Variants in FAM53A observed in about 807,000 individuals in gnomAD.
FAM53A encodes family with sequence similarity 53 member A.
FAM53A carries 28 observed loss-of-function variants against 26.6 expected under a neutral mutation model. The ratio of observed to expected loss-of-function variants is 1.05; its 90% CI spans 0.78 to 1.45. The LOEUF is 1.45. FAM53A is among the 40% of genes most tolerant of loss of function. FAM53A has a pLI of 0.00. For synonymous variants in FAM53A, 290 were observed against 253.1 expected (o/e 1.15, Z -1.38); for missense variants, 650 against 575.8 (o/e 1.13, Z -1.32).
chr4:1,670,388 A>G (rs1186968986), intron 1 of FAM53A, among the ~76,000 whole-genome samples: 1 of 152,222 alleles, frequency 6.6e-6, no homozygotes, highest in Non-Finnish European at 1.5e-5. Context: ...ACAGTGGGCC[A>G]CCCAGCCTGG....
chr4:1,670,230 G>A (rs1035499596), intron 1 of FAM53A, among the ~76,000 whole-genome samples: 1 of 152,270 alleles, frequency 6.6e-6, no homozygotes, highest in African/African-American at 2.4e-5. Context: ...TTTCAACACG[G>A]TTCGATACCT....
chr4:1,655,515 T>C lies in FAM53A; in HGVS notation c.345A>G (p.Pro115=), dbSNP rs1173968414. ...AGGACCGGCAATGCCGCTTGGTCGG[T>C]GGGGCCGTGGACGAGCCTGTGCTTT... is the stretch of plus-strand genomic sequence containing the variant. ...PSESTGSSTA[P]PTKRHCRSLS... The change falls in exon 4 of 5, where the codon CCA becomes CCG. Residue 115 remains proline (P), a synonymous_variant. Coordinates refer to ENST00000308132, the MANE Select transcript of FAM53A (RefSeq NM_001174070.3). 7 of 1,566,732 alleles carry C rather than the reference T, an allele frequency of 4.5e-6. No homozygotes were observed. The East Asian group carries it at 1.6e-4, about 37-fold the overall frequency.
At chr4:1,666,980 T>C (rs1714281083) in intron 2 of FAM53A, among the ~76,000 whole-genome samples, 1 of 152,114 alleles carries the variant, frequency 6.6e-6, no homozygotes. Context: ...ATACAAAAAT[T>C]AGCCAGGCCT....
intron 2 of FAM53A, among the ~76,000 whole-genome samples, chr4:1,660,208 G>A (rs1475973945): frequency 6.6e-6 from 1 of 151,196 alleles, no homozygotes; most frequent in Non-Finnish European, 1.5e-5. Flanking sequence ...GCGTGAACCC[G>A]GGAGGCAGAG....
At chr4:1,576,977 C>T in the FAM53A span, among the ~76,000 whole-genome samples, 19 of 152,206 alleles carry the variant, frequency 1.2e-4, no homozygotes, top group South Asian at 3.9e-3. Flanking sequence ...CCGCCCCTCC[C>T]TCCCACACTG....
chr4:1,618,222 G>A (rs1714880735), intron 1 of FAM53A: 1 of 448,834 alleles, frequency 2.2e-6, no homozygotes, highest in Non-Finnish European at 4.5e-6. Context: ...TGAGCCCGAA[G>A]GCCCATCACG....
chr4:1,613,380 C>T (rs756193442), downstream of FAM53A, among the ~76,000 whole-genome samples: 3 of 152,210 alleles, frequency 2.0e-5, no homozygotes, highest in Non-Finnish European at 4.4e-5. Context: ...TCAAAACCCT[C>T]GGTAAGGGCC....
At chr4:1,613,864 T>C (rs957579254), downstream of FAM53A, among the ~76,000 whole-genome samples, 5 of 152,140 alleles carry the variant, frequency 3.3e-5, no homozygotes, top group Admixed American at 2.6e-4. Flanking sequence ...ATAGGATCAT[T>C]ATATGGAGAA....
At chr4:1,635,781 T>A (rs116834678), downstream of FAM53A, among the ~76,000 whole-genome samples, 2,012 of 152,076 alleles carry the variant, frequency 0.013, 42 homozygotes, top group African/African-American at 0.046. Context: ...TGAGGTTTTG[T>A]TTGCTTTTTG....
the FAM53A span, among the ~76,000 whole-genome samples, chr4:1,584,770 T>C: frequency 0.66 from 100,209 of 152,154 alleles, 33,571 homozygotes; most frequent in East Asian, 0.81. Flanking sequence ...GCTGCCCCTA[T>C]GGCAAGTGTC....
intron 1 of FAM53A, among the ~76,000 whole-genome samples, chr4:1,619,319 A>G (rs997266407): frequency 2.2e-4 from 34 of 152,310 alleles, no homozygotes; most frequent in African/African-American, 7.0e-4. Context: ...ACGCACTGCC[A>G]GGGCGGCCAA....
downstream of FAM53A, among the ~76,000 whole-genome samples, chr4:1,638,095 G>A (rs527903283): frequency 9.9e-5 from 15 of 152,136 alleles, no homozygotes; most frequent in Middle Eastern, 3.4e-3. Context: ...AAGGGGCCAA[G>A]CATCCACACG....
chr4:1,587,706 T>C, the FAM53A span, among the ~76,000 whole-genome samples: 1 of 152,104 alleles, frequency 6.6e-6, no homozygotes, highest in Non-Finnish European at 1.5e-5. Context: ...TCCAAAGACA[T>C]ATTATATCAC....
chr4:1,579,818 C>T, the FAM53A span, among the ~76,000 whole-genome samples: 2 of 152,154 alleles, frequency 1.3e-5, no homozygotes, highest in Non-Finnish European at 2.9e-5. Context: ...GCGGGGCCCG[C>T]AGGGAGGGCG....
intron 1 of FAM53A, among the ~76,000 whole-genome samples, chr4:1,634,526 C>CT (rs1288340255): frequency 6.6e-6 from 1 of 152,088 alleles, no homozygotes; most frequent in Non-Finnish European, 1.5e-5. Context: ...TGGGCACGGT[C>CT]TTTTTTTTCC....
At chr4:1,684,164 T>C (rs1715648496) in intron 1 of FAM53A, 69 bp downstream of exon 1, 1 of 151,600 alleles carries the variant, frequency 6.6e-6, no homozygotes, top group Non-Finnish European at 1.5e-5. Flanking sequence ...TCGGAGCCGG[T>C]GCGCCGAGGA....
intron 4 of FAM53A, chr4:1,644,457 G>A (rs2108825736): frequency 7.5e-7 from 1 of 1,337,024 alleles, no homozygotes; most frequent in African/African-American, 1.5e-5. Context: ...AACAGCGCTA[G>A]CGAAGGCCAC....
chr4:1,651,992 TCA>T (rs1304778156), intron 4 of FAM53A, among the ~76,000 whole-genome samples: 2 of 108,742 alleles, frequency 1.8e-5, no homozygotes, highest in Non-Finnish European at 4.0e-5. Context: ...CACGCACACC[TCA>T]CACACACACC....
At chr4:1,635,824 ATAATAC>A (rs1275693145), downstream of FAM53A, among the ~76,000 whole-genome samples, 6 of 145,882 alleles carry the variant, frequency 4.1e-5, no homozygotes, top group African/African-American at 1.3e-4. Flanking sequence ...TAGGACCTGT[ATAATAC>A]TAATTCTTTT....
Sources: gnomAD v4.1 joint callset for allele counts (sites outside exome capture counted in the v4.1 genomes callset) on GRCh38, gnomAD v4.1.1 for gene constraint, MANE v1.5 for transcripts, NCBI Gene and HGNC (gene_info 2026-07-23, HGNC 2026-07-21) for gene names.